GRIA3: variants seen among roughly 807,000 people sequenced by gnomAD.
GRIA3 encodes glutamate ionotropic receptor AMPA type subunit 3.
In GRIA3, 3 loss-of-function variants were observed where a neutral mutation model predicts 63.0. The ratio of observed to expected loss-of-function variants is 0.05; its 90% CI spans 0.02 to 0.12. The LOEUF is 0.12. Ranked by LOEUF, GRIA3 falls within the 10% of genes least tolerant of loss-of-function variation. GRIA3 has a pLI of 1.00. For missense variants in GRIA3, 347 were observed against 700.9 expected (o/e 0.50, Z 5.70); for synonymous variants, 274 against 257.9 (o/e 1.06, Z -0.60).
In GRIA3 at chrX:123,251,437, T is replaced by G. The variant is rs571134259; in HGVS notation, c.269-1866T>G. Among the ~76,000 whole-genome samples, 8 of 111,403 alleles carry G rather than the reference T, an allele frequency of 7.2e-5. No homozygotes were observed. The East Asian group carries it at 2.0e-3, about 28-fold the overall frequency. On this transcript the variant is annotated intron_variant, in intron 2 of 15. Transcript: ENST00000620443. ...TTGGATTTTTCCTTTTATTTATTTA[T>G]TTGTTTATTTTTGAGACGGTGTCTC... is the stretch of plus-strand genomic sequence containing the variant.
chrX:123,413,177 G>GT (rs2045516390), intron 10 of GRIA3, among the ~76,000 whole-genome samples: 1 of 110,697 alleles, frequency 9.0e-6, no homozygotes, highest in Admixed American at 9.6e-5. Flanking sequence ...ACCAAGTAGG[G>GT]TTTTTTTAAA....
intron 10 of GRIA3, among the ~76,000 whole-genome samples, chrX:123,406,171 G>C (rs1293834603): frequency 8.9e-6 from 1 of 112,662 alleles, no homozygotes; most frequent in African/African-American, 3.2e-5. Flanking sequence ...AGCAGAACTG[G>C]ACAGAAAAAC....
chrX:123,243,896 A>C (rs926991133), intron 2 of GRIA3, among the ~76,000 whole-genome samples: 8 of 112,295 alleles, frequency 7.1e-5, no homozygotes, highest in African/African-American at 1.9e-4. Flanking sequence ...GGGCCTAAAA[A>C]GCACCCTCTT....
At chrX:123,394,773 T>C (rs765791901) in intron 5 of GRIA3, among the ~76,000 whole-genome samples, 195 bp from the exon 6 acceptor site, 4 of 112,457 alleles carry the variant, frequency 3.6e-5, no homozygotes, top group Non-Finnish European at 5.6e-5. Context: ...AATGGAAGAA[T>C]GCATATTTTC....
chrX:123,283,128 G>A (rs759148014), intron 3 of GRIA3, among the ~76,000 whole-genome samples: 1 of 111,514 alleles, frequency 9.0e-6, no homozygotes, highest in Non-Finnish European at 1.9e-5. Flanking sequence ...TGCCTCATCC[G>A]GGAAGCACAA....
At position 123,205,990 on chromosome X, in the gene GRIA3, A is replaced by T. The variant is rs899098934; in HGVS notation, c.268+20000A>T. On this transcript the variant is annotated intron_variant, in intron 2 of 15. Coordinates refer to ENST00000620443, the MANE Select transcript of GRIA3 (RefSeq NM_007325.5). ...GGTATGCCAGTGCTTTACTGTGTTT[A>T]AAAAGATGGTCGTGGGGGAGGGTTT... 5.4e-5 allele frequency among the ~76,000 whole-genome samples: 6 copies of T among 111,684 alleles called. No individual in the cohort carries two copies. In the Admixed American group the frequency reaches 5.7e-4, roughly 11 times the overall value.
intron 2 of GRIA3, among the ~76,000 whole-genome samples, chrX:123,198,797 G>T (rs1927642475): frequency 8.9e-6 from 1 of 111,902 alleles, no homozygotes; most frequent in African/African-American, 3.3e-5. Flanking sequence ...TTTGGGTAAA[G>T]CAGCATGGAT....
At chrX:123,377,441 C>G (rs1357751515) in intron 5 of GRIA3, among the ~76,000 whole-genome samples, 1 of 111,762 alleles carries the variant, frequency 8.9e-6, no homozygotes, top group Non-Finnish European at 1.9e-5. Flanking sequence ...ATGAAATAGC[C>G]AATTCCCTCC....
chrX:123,393,665 G>C (rs1326894748), intron 5 of GRIA3, among the ~76,000 whole-genome samples: 1 of 112,271 alleles, frequency 8.9e-6, no homozygotes. Context: ...GAAATGGTTT[G>C]ATAGATGAGT....
intron 3 of GRIA3, among the ~76,000 whole-genome samples, chrX:123,262,425 A>G (rs1431737136): frequency 9.0e-6 from 1 of 111,686 alleles, no homozygotes; most frequent in Admixed American, 9.5e-5. Flanking sequence ...ACAGGACAGT[A>G]TCCTTCTCCA....
At chrX:123,485,372 G>C (rs1434767565) in intron 15 of GRIA3, among the ~76,000 whole-genome samples, 1 of 111,856 alleles carries the variant, frequency 8.9e-6, no homozygotes, top group African/African-American at 3.3e-5. Context: ...GTAAGACCCA[G>C]CCCATGAAGT....
chrX:123,470,152 T>C (rs1356924727), intron 13 of GRIA3, among the ~76,000 whole-genome samples: 1 of 111,689 alleles, frequency 9.0e-6, no homozygotes. Flanking sequence ...TCTGAGCCCC[T>C]TGACTGCAAT....
At chrX:123,460,192 T>G (rs1173770930) in intron 12 of GRIA3, among the ~76,000 whole-genome samples, 1 of 112,416 alleles carries the variant, frequency 8.9e-6, no homozygotes, top group African/African-American at 3.2e-5. Context: ...AATGATGAAG[T>G]AAATGAGTCC....
chrX:123,196,676 T>C (rs1276280859), intron 2 of GRIA3, among the ~76,000 whole-genome samples: 1 of 111,665 alleles, frequency 9.0e-6, no homozygotes, highest in Non-Finnish European at 1.9e-5. Context: ...ACTAGATGCT[T>C]ATGTTTTCTT....
rs1271486048 is a variant in GRIA3 at position 123,320,706 on chromosome X, A to G, written c.509-5320A>G. Reference sequence around the variant, plus strand: ...TTGGACATGATGCACTTGAAAGACCACTAAATTGGAAGCCAAGAGACTTGC... The same window carrying G: ...TTGGACATGATGCACTTGAAAGACCGCTAAATTGGAAGCCAAGAGACTTGC... On this transcript the variant is annotated intron_variant, in intron 3 of 15. Transcript: ENST00000620443. Among the ~76,000 whole-genome samples the G allele has an allele frequency of 7.1e-5, 8 of 112,321 alleles. No individual in the cohort carries two copies. In the South Asian group the frequency reaches 2.6e-3, roughly 37 times the overall value.
intron 12 of GRIA3, among the ~76,000 whole-genome samples, chrX:123,450,560 C>G (rs2045724987): frequency 8.9e-6 from 1 of 112,754 alleles, no homozygotes; most frequent in African/African-American, 3.2e-5. Context: ...AGAATATAGA[C>G]TTTGGTGTCA....
intron 3 of GRIA3, among the ~76,000 whole-genome samples, chrX:123,314,466 A>AT (rs755180120): frequency 3.4e-4 from 38 of 111,064 alleles, no homozygotes; most frequent in Non-Finnish European, 6.4e-4. Context: ...TGTTATTTTT[A>AT]TTTTTTTTAT....
At chrX:123,223,191 A>C (rs1251136505) in intron 2 of GRIA3, among the ~76,000 whole-genome samples, 1 of 112,848 alleles carries the variant, frequency 8.9e-6, no homozygotes, top group African/African-American at 3.2e-5. Context: ...CATGGCACTG[A>C]GCCTGCCTAT....
chrX:123,464,261 A>G (rs1412670422), intron 12 of GRIA3, among the ~76,000 whole-genome samples: 1 of 111,807 alleles, frequency 8.9e-6, no homozygotes, highest in African/African-American at 3.3e-5. Context: ...TCCATACCTT[A>G]GCATCACACA....
Sources: allele counts gnomAD v4.1 joint callset (sites outside exome capture counted in the v4.1 genomes callset), GRCh38; gene constraint gnomAD v4.1.1; transcripts MANE v1.5; gene names NCBI Gene and HGNC (gene_info 2026-07-23, HGNC 2026-07-21).